PLCL1: variants seen among roughly 807,000 people sequenced by gnomAD.
PLCL1 encodes the protein phospholipase C like 1 (inactive), also known as inactive phospholipase C-like protein 1.
PLCL1 carries 41 observed loss-of-function variants against 84.4 expected under a neutral mutation model. The ratio of observed to expected loss-of-function variants is 0.49; its 90% CI spans 0.38 to 0.63. The LOEUF is 0.63. PLCL1 is among the 30% of genes least tolerant of loss of function. The pLI is 0.00. For missense variants in PLCL1, 1,206 were observed against 1,367.8 expected, an observed-to-expected ratio of 0.88 and a Z score of 1.87; for synonymous variants, 490 against 488.3, an observed-to-expected ratio of 1.00 and a Z score of -0.05.
At chr2:198,099,743 A>G (rs372532584) in intron 3 of PLCL1, among the ~76,000 whole-genome samples, 1 of 152,142 alleles carries the variant, frequency 6.6e-6, no homozygotes, top group South Asian at 2.1e-4. Flanking sequence ...AACTTATACC[A>G]TGGGGTTAAC....
chr2:197,940,263 T>C (rs74993302), intron 1 of PLCL1, among the ~76,000 whole-genome samples: 5,273 of 152,312 alleles, frequency 0.035, 160 homozygotes, highest in Admixed American at 0.084. Context: ...TTGTGACTTA[T>C]AGTCCTTTTT....
intron 1 of PLCL1, among the ~76,000 whole-genome samples, chr2:197,833,742 A>G (rs763367152): frequency 3.9e-5 from 6 of 152,250 alleles, no homozygotes; most frequent in Non-Finnish European, 4.4e-5. Flanking sequence ...CATACTGCCC[A>G]AAGTAATTTA....
intron 1 of PLCL1, among the ~76,000 whole-genome samples, chr2:198,017,034 G>A (rs1302414933): frequency 6.6e-6 from 1 of 152,112 alleles, no homozygotes; most frequent in African/African-American, 2.4e-5. Flanking sequence ...TGAAGGTGGA[G>A]CCATATGAAA....
intron 1 of PLCL1, among the ~76,000 whole-genome samples, chr2:197,920,377 C>G (rs149108773): frequency 6.6e-6 from 1 of 151,852 alleles, no homozygotes; most frequent in East Asian, 2.0e-4. Flanking sequence ...ACATCAGTGA[C>G]AAGCAGAGGA....
chr2:198,013,968 T>A (rs1001790557), intron 1 of PLCL1, among the ~76,000 whole-genome samples: 1 of 152,104 alleles, frequency 6.6e-6, no homozygotes, highest in African/African-American at 2.4e-5. Flanking sequence ...GCGCTCTTTA[T>A]GGCCACAGCT....
chr2:198,055,642 A>G (rs1334411620), intron 1 of PLCL1, among the ~76,000 whole-genome samples: 1 of 151,962 alleles, frequency 6.6e-6, no homozygotes, highest in East Asian at 2.0e-4. Flanking sequence ...TGATGTTTAC[A>G]TTAATAAGGC....
intron 5 of PLCL1, among the ~76,000 whole-genome samples, chr2:198,136,896 C>T (rs762910908): frequency 2.6e-5 from 4 of 152,098 alleles, no homozygotes; most frequent in Admixed American, 6.6e-5. Flanking sequence ...TTCAGTTTTC[C>T]GAAAATCTGG....
At chr2:197,994,057 C>T (rs969822597) in intron 1 of PLCL1, among the ~76,000 whole-genome samples, 1 of 152,150 alleles carries the variant, frequency 6.6e-6, no homozygotes, top group African/African-American at 2.4e-5. Flanking sequence ...CGCCATTCCA[C>T]CACAACCAGG....
At chr2:197,847,348 G>GCCACAGATCCTCAGCA (rs1226830428) in intron 1 of PLCL1, among the ~76,000 whole-genome samples, 1 of 152,098 alleles carries the variant, frequency 6.6e-6, no homozygotes, top group Non-Finnish European at 1.5e-5. Flanking sequence ...GATCCTCAGT[G>GCCACAGATCCTCAGCA]CCCCAGATCC....
intron 1 of PLCL1, among the ~76,000 whole-genome samples, chr2:198,053,586 G>C (rs1307671210): frequency 6.6e-6 from 1 of 152,180 alleles, no homozygotes; most frequent in Admixed American, 6.5e-5. Context: ...CTAAGTCACT[G>C]TATTACATTC....
intron 1 of PLCL1, among the ~76,000 whole-genome samples, chr2:198,056,618 G>T (rs1362514202): frequency 6.6e-6 from 1 of 152,248 alleles, no homozygotes; most frequent in Non-Finnish European, 1.5e-5. Context: ...AGGATCGTGT[G>T]TGTAAAGAGC....
intron 1 of PLCL1, among the ~76,000 whole-genome samples, chr2:198,072,738 T>C (rs993037200): frequency 6.6e-6 from 1 of 152,090 alleles, no homozygotes; most frequent in African/African-American, 2.4e-5. Flanking sequence ...TATGAACAAT[T>C]GTTTTTCTCT....
At chr2:197,822,982 T>A (rs779349256) in intron 1 of PLCL1, among the ~76,000 whole-genome samples, 4 of 152,182 alleles carry the variant, frequency 2.6e-5, no homozygotes, top group Non-Finnish European at 5.9e-5. Context: ...CAATTTAATA[T>A]GATGTATAAA....
At chr2:197,941,388 C>T (rs1218828124) in intron 1 of PLCL1, among the ~76,000 whole-genome samples, 1 of 151,900 alleles carries the variant, frequency 6.6e-6, no homozygotes. Flanking sequence ...ACCTCCCAGG[C>T]TTGAGCAATT....
At chr2:197,837,812 T>G (rs1328038322) in intron 1 of PLCL1, among the ~76,000 whole-genome samples, 1 of 152,224 alleles carries the variant, frequency 6.6e-6, no homozygotes, top group African/African-American at 2.4e-5. Context: ...TTGGTGCATA[T>G]TGAAAGTAGA....
intron 1 of PLCL1, among the ~76,000 whole-genome samples, chr2:197,897,188 T>TCTC (rs1344681491): frequency 1.7e-4 from 7 of 41,124 alleles, no homozygotes; most frequent in African/African-American, 5.8e-4. Flanking sequence ...TTCTTCTTCT[T>TCTC]CTCCTTCTCC....
intron 1 of PLCL1, among the ~76,000 whole-genome samples, chr2:198,033,976 A>G (rs944046847): frequency 6.6e-6 from 1 of 151,998 alleles, no homozygotes; most frequent in African/African-American, 2.4e-5. Context: ...ATTTTAAAAA[A>G]TTTGATTTTT....
At chr2:197,828,446 A>G (rs1046288594) in intron 1 of PLCL1, among the ~76,000 whole-genome samples, 2 of 152,242 alleles carry the variant, frequency 1.3e-5, no homozygotes, top group South Asian at 2.1e-4. Flanking sequence ...GCTAATTCAT[A>G]TATCTATATT....
At chr2:197,969,878 T>C (rs1689825587) in intron 1 of PLCL1, among the ~76,000 whole-genome samples, 1 of 152,060 alleles carries the variant, frequency 6.6e-6, no homozygotes, top group Non-Finnish European at 1.5e-5. Flanking sequence ...ATGTCCAGAG[T>C]CTCCTGCTGA....
Sources: gnomAD v4.1 joint callset for allele counts (sites outside exome capture counted in the v4.1 genomes callset) on GRCh38, gnomAD v4.1.1 for gene constraint, MANE v1.5 for transcripts, NCBI Gene and HGNC (gene_info 2026-07-23, HGNC 2026-07-21) for gene names.